Variants in NTRK1 observed in about 807,000 individuals in gnomAD.
NTRK1 encodes neurotrophic receptor tyrosine kinase 1.
Under a neutral mutation model 86.8 loss-of-function variants are expected in NTRK1, and 62 were observed. The observed-to-expected ratio is 0.71, with a 90% CI of 0.58 to 0.88. The LOEUF is 0.88. Ranked by LOEUF, NTRK1 falls within the 40% of genes least tolerant of loss-of-function variation. The pLI is 0.00. For missense variants in NTRK1, 967 were observed against 1,078.4 expected, an observed-to-expected ratio of 0.90 and a Z score of 1.45; for synonymous variants, 469 against 456.6, an observed-to-expected ratio of 1.03 and a Z score of -0.35.
Position 156,855,072 on chromosome 1 carries a change from T to C in NTRK1, c.51-9282T>C, listed in dbSNP as rs142050041. Reference sequence around the variant, plus strand: ...TTCTGCCTTGGGGTCTTTGTCCTTCTGTTCCTTCTGGCCAGAATCCTCTTC... The same window carrying C: ...TTCTGCCTTGGGGTCTTTGTCCTTCCGTTCCTTCTGGCCAGAATCCTCTTC... On this transcript the variant is annotated intron_variant, in intron 2 of 16. Coordinates refer to the NTRK1 transcript ENST00000392302. Among the ~76,000 whole-genome samples the C allele has an allele frequency of 8.4e-3, 1,283 of 152,308 alleles. 22 individuals are homozygous for C. The highest frequency in any genetic ancestry group is 0.03 in the African/African-American group (1,227 of 41,554).
chr1:156,834,034 C>T (rs1654534557), intron 1 of NTRK1, among the ~76,000 whole-genome samples: 1 of 152,190 alleles, frequency 6.6e-6, no homozygotes, highest in African/African-American at 2.4e-5. Flanking sequence ...CCCTTTCACA[C>T]CAGTAAAGTC....
intron 1 of NTRK1, among the ~76,000 whole-genome samples, chr1:156,839,663 G>A (rs970771685): frequency 2.0e-5 from 3 of 152,142 alleles, no homozygotes; most frequent in African/African-American, 7.2e-5. Context: ...ATGTCATCAG[G>A]GCCTCTCCCT....
intron 2 of NTRK1, chr1:156,842,286 G>C (rs532005876): frequency 6.2e-7 from 1 of 1,613,772 alleles, no homozygotes; most frequent in African/African-American, 1.3e-5. Context: ...AGCCAAGATT[G>C]GGGGCTGGTG....
intron 7 of NTRK1, among the ~76,000 whole-genome samples, chr1:156,873,061 G>GTGTGTT (rs1435611877): frequency 6.0e-5 from 9 of 148,936 alleles, no homozygotes; most frequent in Non-Finnish European, 1.2e-4. Flanking sequence ...GTGTGTGTGT[G>GTGTGTT]TTTGAAGAGA....
At chr1:156,819,542 T>C (rs1004311553) in intron 1 of NTRK1, among the ~76,000 whole-genome samples, 2 of 151,930 alleles carry the variant, frequency 1.3e-5, no homozygotes, top group Non-Finnish European at 2.9e-5. Context: ...TTTTTTTAGA[T>C]GGAGTTTCGC....
chr1:156,822,339 A>C (rs1654211169), intron 1 of NTRK1, among the ~76,000 whole-genome samples: 1 of 152,098 alleles, frequency 6.6e-6, no homozygotes, highest in Non-Finnish European at 1.5e-5. Context: ...TTTTCTCTCG[A>C]TTGAAGCCAG....
In NTRK1 at chr1:156,873,921, A is replaced by G. The variant is rs140644885; in HGVS notation, c.1139A>G (p.Asp380Gly). ...GCCTCCATCATGGCTGCCTTCATGG[A>G]CAACCCTTTCGAGTTCAACCCCGAG... is the stretch of plus-strand genomic sequence containing the variant. ...ASASIMAAFM[D>G]NPFEFNPEDP... The change falls in exon 8 of 17, where the codon GAC (aspartate) becomes GGC (glycine). Residue 380 changes from aspartate (D) to glycine (G), a missense_variant. Asp to Gly is a moderately conservative substitution (Grantham distance 94). Coordinates refer to ENST00000524377, the MANE Select transcript of NTRK1 (RefSeq NM_002529.4). 2.6e-6 allele frequency: 4 copies of G among 1,562,418 alleles called. No individual in the cohort carries two copies. In the African/African-American group the frequency reaches 5.4e-5, roughly 21 times the overall value.
intron 1 of NTRK1, chr1:156,816,812 G>T: frequency 8.7e-7 from 1 of 1,143,574 alleles, no homozygotes; most frequent in South Asian, 1.9e-5. Context: ...CTGGCCCCGG[G>T]GGCAGGAAAT....
chr1:156,854,874 A>G lies in NTRK1; in HGVS notation c.51-9480A>G, dbSNP rs1571674187. Among the ~76,000 whole-genome samples the G allele has an allele frequency of 6.6e-6, 1 of 151,224 alleles. No homozygotes were observed. Among genetic ancestry groups the G allele is most frequent in the African/African-American group, 2.4e-5 (1 of 41,044 alleles). On this transcript the variant is annotated intron_variant, in intron 2 of 16. Transcript: ENST00000392302. The surrounding 1 kb of genome is among the most constrained non-coding windows in gnomAD (Gnocchi z 4.2). ...GGATCACGTTTCTCCTCTGCTTATA[A>G]CCCCCCGTGACTTCCATCTCTCTTG... is the stretch of plus-strand genomic sequence containing the variant.
intron 3 of NTRK1, 119 bp downstream of exon 3, chr1:156,864,918 G>C (rs1655856929): frequency 4.0e-6 from 4 of 991,498 alleles, no homozygotes; most frequent in Middle Eastern, 4.6e-4. Flanking sequence ...GGTCAGGGAA[G>C]TCACCTCACC....
At chr1:156,863,648 G>A (rs529916859) in intron 1 of NTRK1, among the ~76,000 whole-genome samples, 1 of 151,906 alleles carries the variant, frequency 6.6e-6, no homozygotes, top group Admixed American at 6.6e-5. Flanking sequence ...GGCTATGGGG[G>A]TGCAGAGATG....
intron 1 of NTRK1, chr1:156,840,827 C>T: frequency 6.8e-7 from 1 of 1,464,252 alleles, no homozygotes; most frequent in Admixed American, 1.8e-5. Flanking sequence ...AGGTCGGGTC[C>T]CTTCCTGTCT....
upstream of NTRK1, chr1:156,858,459 G>A (rs1381203927): frequency 5.8e-6 from 6 of 1,040,258 alleles, no homozygotes; most frequent in Non-Finnish European, 9.1e-6. Context: ...GAGGTGCTGT[G>A]GCTGCAAGCT....
chr1:156,851,620 G>T (rs1655211095), intron 2 of NTRK1: 1 of 1,614,048 alleles, frequency 6.2e-7, no homozygotes, highest in East Asian at 2.2e-5. Flanking sequence ...CAGGAGGAGG[G>T]GTGTGGCCCC....
intron 1 of NTRK1, among the ~76,000 whole-genome samples, chr1:156,839,862 T>C (rs906119487): frequency 2.6e-5 from 4 of 152,132 alleles, no homozygotes; most frequent in African/African-American, 9.7e-5. Context: ...GAGCAGGAGA[T>C]AATAGCAAGA....
chr1:156,879,604 A>G (rs1648134882), intron 15 of NTRK1, among the ~76,000 whole-genome samples: 1 of 151,818 alleles, frequency 6.6e-6, no homozygotes, highest in Non-Finnish European at 1.5e-5. Flanking sequence ...CTGTTTGTTT[A>G]TTTATTTATT....
chr1:156,848,910 C>T (rs767637947), intron 2 of NTRK1: 13 of 1,559,174 alleles, frequency 8.3e-6, no homozygotes, highest in Non-Finnish European at 1.0e-5. Flanking sequence ...GGCCCCGCCC[C>T]CGGCACTCAC....
At chr1:156,874,137 T>C in intron 8 of NTRK1, 178 bp downstream of exon 8, 1 of 866,608 alleles carries the variant, frequency 1.2e-6, no homozygotes, top group African/African-American at 1.7e-5. Flanking sequence ...CCAGGACTCC[T>C]GAACTCCTGA....
upstream of NTRK1, chr1:156,860,815 G>A (rs1655601856): frequency 1.5e-6 from 2 of 1,338,678 alleles, no homozygotes; most frequent in African/African-American, 3.1e-5. Flanking sequence ...CGCTGGCTCC[G>A]CCCTTTCCTG....
Sources: allele counts gnomAD v4.1 joint callset (sites outside exome capture counted in the v4.1 genomes callset), GRCh38; gene constraint gnomAD v4.1.1; non-coding constraint Gnocchi (gnomAD v3.1); transcripts MANE v1.5; gene names NCBI Gene and HGNC (gene_info 2026-07-23, HGNC 2026-07-21).